Variants in SCMH1 observed in about 807,000 individuals in gnomAD.
SCMH1 encodes polycomb protein SCMH1.
SCMH1 carries 37 observed loss-of-function variants against 70.8 expected under a neutral mutation model. The observed-to-expected ratio is 0.52, with a 90% CI of 0.40 to 0.69. The LOEUF is 0.69. Among genes scored for constraint, SCMH1 ranks in the 30% least tolerant of loss-of-function variants. The pLI is 0.00. For missense variants in SCMH1, 607 were observed against 827.3 expected, an observed-to-expected ratio of 0.73 and a Z score of 3.27; for synonymous variants, 292 against 307.4, an observed-to-expected ratio of 0.95 and a Z score of 0.52.
At chr1:41,033,760 C>T (rs770506657) in intron 13 of SCMH1, among the ~76,000 whole-genome samples, 4 of 152,102 alleles carry the variant, frequency 2.6e-5, no homozygotes, top group Non-Finnish European at 5.9e-5. Flanking sequence ...TAGGGCCAGC[C>T]GAATGAATCT....
intron 6 of SCMH1, among the ~76,000 whole-genome samples, chr1:41,118,304 TAACGTAATGCCTAGAAAACTTTCTA>T (rs757547702): frequency 6.6e-6 from 1 of 152,116 alleles, no homozygotes; most frequent in Non-Finnish European, 1.5e-5. Flanking sequence ...ACAGAACACA[TAACGTAATGCCTAGAAAACTTTCTA>T]GGCATTTGAA....
At chr1:41,191,263 A>C (rs181382456) in intron 1 of SCMH1, among the ~76,000 whole-genome samples, 6 of 152,306 alleles carry the variant, frequency 3.9e-5, no homozygotes, top group Non-Finnish European at 8.8e-5. Flanking sequence ...ACTTGGCTGA[A>C]ATCTCTTCCT....
intron 1 of SCMH1, among the ~76,000 whole-genome samples, chr1:41,218,721 C>T (rs536681149): frequency 2.0e-5 from 3 of 152,298 alleles, no homozygotes; most frequent in African/African-American, 7.2e-5. Flanking sequence ...GTATTAAGTG[C>T]TTTACACTGG....
intron 8 of SCMH1, among the ~76,000 whole-genome samples, chr1:41,087,511 C>A (rs1662070569): frequency 6.7e-6 from 1 of 149,506 alleles, no homozygotes. Flanking sequence ...AAATGACAAC[C>A]TGTAAAAGAA....
chr1:41,117,938 T>C (rs213762), intron 6 of SCMH1, among the ~76,000 whole-genome samples: 128,515 of 151,786 alleles, frequency 0.85, 54,866 homozygotes, highest in East Asian at 0.96. Context: ...TACTGGTCTC[T>C]GTGTCTTGGT....
intron 8 of SCMH1, among the ~76,000 whole-genome samples, chr1:41,109,991 T>C (rs529359196): frequency 6.6e-6 from 1 of 152,338 alleles, no homozygotes; most frequent in African/African-American, 2.4e-5. Flanking sequence ...TATCCTGTTT[T>C]AGCCTCAAGT....
At chr1:41,202,471 A>G (rs1407755339) in intron 1 of SCMH1, among the ~76,000 whole-genome samples, 1 of 152,100 alleles carries the variant, frequency 6.6e-6, no homozygotes, top group Non-Finnish European at 1.5e-5. Context: ...AAGCCTCTGG[A>G]GTCCATTGGA....
intron 10 of SCMH1, among the ~76,000 whole-genome samples, chr1:41,051,220 A>G (rs931654258): frequency 5.9e-5 from 9 of 152,228 alleles, no homozygotes; most frequent in African/African-American, 2.2e-4. Context: ...AAGTCATAGC[A>G]CAATGCATTA....
chr1:41,101,860 C>CT (rs1258069030), intron 8 of SCMH1, among the ~76,000 whole-genome samples: 2 of 151,964 alleles, frequency 1.3e-5, no homozygotes, highest in Non-Finnish European at 2.9e-5. Context: ...ATAGCTAAAG[C>CT]TAGGAGTTGA....
At chr1:41,082,291 A>G (rs1660257486) in intron 8 of SCMH1, among the ~76,000 whole-genome samples, 1 of 152,192 alleles carries the variant, frequency 6.6e-6, no homozygotes, top group South Asian at 2.1e-4. Context: ...AAATGAAGGA[A>G]AAAATGTTAA....
chr1:41,115,965 T>C (rs930943956), intron 7 of SCMH1, among the ~76,000 whole-genome samples: 38 of 152,236 alleles, frequency 2.5e-4, no homozygotes, highest in African/African-American at 9.2e-4. Context: ...TTTCTTGTGA[T>C]AATTGATGTA....
chr1:41,110,751 G>A (rs1329800605), intron 8 of SCMH1, among the ~76,000 whole-genome samples: 1 of 152,130 alleles, frequency 6.6e-6, no homozygotes, highest in Non-Finnish European at 1.5e-5. Context: ...TGCCATGAAT[G>A]TTCATTATGT....
chr1:41,237,310 A>G (rs1662585048), intron 1 of SCMH1, among the ~76,000 whole-genome samples: 1 of 152,226 alleles, frequency 6.6e-6, no homozygotes, highest in South Asian at 2.1e-4. Context: ...ATCAAATAAG[A>G]TTACTGCAAA....
Position 41,186,219 on chromosome 1 carries a change from A to T in SCMH1, c.-86T>A. ...CCAATACCTTGCTCTGACTTCTGAC[A>T]AGTCAGTTTCTTTGTATGCTAATTT... On this transcript the variant is annotated 5_prime_UTR_variant, in exon 2 of 15. The change creates a premature stop within an existing upstream ORF in the 5' untranslated region. Coordinates refer to ENST00000337495, the Ensembl canonical transcript of SCMH1. The T allele has an allele frequency of 1.3e-6, 1 of 772,842 alleles. No individual in the cohort carries two copies. 47.9% of individuals were successfully genotyped at this position (772,842 alleles called of 1,614,324 possible).
intron 13 of SCMH1, among the ~76,000 whole-genome samples, chr1:41,029,697 C>T (rs1644256706): frequency 6.6e-6 from 1 of 152,186 alleles, no homozygotes; most frequent in South Asian, 2.1e-4. Context: ...CCCCTTCTCT[C>T]CCTTCAATTT....
exon 13 of SCMH1, chr1:41,037,408 G>A (rs1269198777): frequency 1.2e-6 from 2 of 1,614,214 alleles, no homozygotes; most frequent in Non-Finnish European, 1.7e-6. Context: ...TTGGTGGGAG[G>A]CCACAGGATG....
chr1:41,076,562 C>T (rs1658348559), intron 8 of SCMH1, among the ~76,000 whole-genome samples: 1 of 152,094 alleles, frequency 6.6e-6, no homozygotes. Flanking sequence ...GGTATAATGT[C>T]AGGTAGTGCT....
exon 11 of SCMH1, chr1:41,048,774 C>T (rs1647142225): frequency 6.2e-7 from 1 of 1,614,186 alleles, no homozygotes; most frequent in East Asian, 2.2e-5. Context: ...CAGGCCTGGA[C>T]AGCCTGCTGC....
At chr1:41,053,496 C>A (rs1423259857) in intron 10 of SCMH1, among the ~76,000 whole-genome samples, 1 of 152,196 alleles carries the variant, frequency 6.6e-6, no homozygotes, top group East Asian at 1.9e-4. Context: ...TTTAAACCAA[C>A]AGCCAGAACG....
Sources: gnomAD v4.1 joint callset for allele counts (sites outside exome capture counted in the v4.1 genomes callset) on GRCh38, gnomAD v4.1.1 for gene constraint, MANE v1.5 for transcripts, NCBI Gene and HGNC (gene_info 2026-07-23, HGNC 2026-07-21) for gene names.